The following ASCC2 variants were observed in gnomAD, a reference collection of about 807,000 sequenced individuals.
The protein encoded by ASCC2 is activating signal cointegrator 1 complex subunit 2, also known as ASC-1 complex subunit P100.
In ASCC2, 42 loss-of-function variants were observed where a neutral mutation model predicts 93.5. That is an observed-to-expected ratio of 0.45 (90% CI 0.35 to 0.58). The LOEUF (loss-of-function observed/expected upper bound fraction) is 0.58, where lower values mean the gene tolerates loss of function less well. Among genes scored for constraint, ASCC2 ranks in the 20% least tolerant of loss-of-function variants. The probability of loss-of-function intolerance (pLI) is 0.00; values close to 1 mark genes in which losing one functional copy is unlikely to be tolerated. For missense variants in ASCC2, 859 were observed against 977.6 expected (o/e 0.88, Z 1.62); for synonymous variants, 364 against 384.2 (o/e 0.95, Z 0.62).
At chr22:29,834,087 A>G (rs980817151) in intron 1 of ASCC2, 1 of 168,418 alleles carries the variant, frequency 5.9e-6, no homozygotes, top group African/African-American at 2.4e-5. Flanking sequence ...CAAAAAGTCT[A>G]AGGTTAGTTC....
chr22:29,830,746 C>A (rs182877150), intron 2 of ASCC2, among the ~76,000 whole-genome samples: 1 of 152,354 alleles, frequency 6.6e-6, no homozygotes, highest in African/African-American at 2.4e-5. Flanking sequence ...CATGTCTTTT[C>A]TCTTTATAGC....
chr22:29,806,340 A>G (rs1397021167), intron 11 of ASCC2, 50 bp from the exon 12 acceptor site: 2 of 1,596,906 alleles, frequency 1.3e-6, no homozygotes, highest in Non-Finnish European at 1.7e-6. Context: ...GGCCACAGGA[A>G]TGCTGTGCTG....
At chr22:29,807,023 G>T in intron 9 of ASCC2, 119 bp from the exon 10 acceptor site, 1 of 708,752 alleles carries the variant, frequency 1.4e-6, no homozygotes. Flanking sequence ...AGGATCACTT[G>T]AGCCCCAGGA....
chr22:29,806,738 G>T (rs778073472), intron 10 of ASCC2, 59 bp downstream of exon 10: 1 of 1,504,306 alleles, frequency 6.6e-7, no homozygotes, highest in Non-Finnish European at 9.2e-7. Context: ...TAATGGAAAC[G>T]CTCCTGAAGG....
At chr22:29,818,390 A>G (rs977815036) in intron 5 of ASCC2, among the ~76,000 whole-genome samples, 2 of 82,094 alleles carry the variant, frequency 2.4e-5, no homozygotes, top group African/African-American at 4.3e-5. Context: ...CCTTCTCTGC[A>G]TCACTCCCTG....
intron 8 of ASCC2, among the ~76,000 whole-genome samples, chr22:29,809,624 C>A (rs576292100): frequency 5.3e-5 from 8 of 151,818 alleles, no homozygotes; most frequent in African/African-American, 1.7e-4. Context: ...ACTAAAAATA[C>A]GAAAATTAGC....
intron 13 of ASCC2, among the ~76,000 whole-genome samples, chr22:29,803,252 CAAAAAAAA>C (rs34793933): frequency 6.9e-6 from 1 of 145,382 alleles, no homozygotes; most frequent in African/African-American, 2.5e-5. Context: ...ACTCCATCTC[CAAAAAAAA>C]AACAAAAAAC....
intron 15 of ASCC2, among the ~76,000 whole-genome samples, chr22:29,795,407 G>A (rs1366019724): frequency 6.6e-6 from 1 of 151,958 alleles, no homozygotes. Context: ...ATTGTTATTC[G>A]TTTATTGTTT....
intron 15 of ASCC2, 29 bp from the exon 16 acceptor site, chr22:29,793,705 G>A: frequency 6.5e-7 from 1 of 1,543,002 alleles, no homozygotes; most frequent in Non-Finnish European, 8.7e-7. Context: ...AAGAGAGGAA[G>A]GAAAACCATC....
In ASCC2 at chr22:29,813,412, C is replaced by A. The variant is rs750826736; in HGVS notation, c.833+18G>T. The stretch of plus-strand genomic sequence containing the variant: ...TAAGCCAGTATCTCTATTTCAACAG[C>A]CAGAACTACCGCCTTACCTGTAACA... On this transcript the variant is annotated intron_variant, in intron 8 of 19. Transcript: ENST00000307790. 6.6e-7 allele frequency: 1 copy of A among 1,519,472 alleles called. No homozygotes were observed. The highest frequency in any genetic ancestry group is 1.4e-5 in the African/African-American group (1 of 72,870). 94.1% of individuals were successfully genotyped at this position (1,519,472 alleles called of 1,614,324 possible). A position where few individuals can be genotyped will look rare whatever the true frequency, so the allele number is the denominator to read the frequency against.
At chr22:29,822,188 T>C in intron 5 of ASCC2, 147 bp downstream of exon 5, 1 of 1,005,462 alleles carries the variant, frequency 9.9e-7, no homozygotes, top group Non-Finnish European at 1.5e-6. Context: ...GAGGTGACAC[T>C]CATATATCTG....
chr22:29,827,899 G>GACACACACACACACACACACAC (rs5844872), intron 2 of ASCC2, among the ~76,000 whole-genome samples: 1 of 39,968 alleles, frequency 2.5e-5, no homozygotes, highest in African/African-American at 1.1e-4. Context: ...TCATTCTTCT[G>GACACACACACACACACACACAC]ACACACACAC....
intron 2 of ASCC2, among the ~76,000 whole-genome samples, chr22:29,827,856 GACACACAC>G (rs5844871): frequency 2.3e-5 from 1 of 43,148 alleles, no homozygotes; most frequent in Non-Finnish European, 5.0e-5. Flanking sequence ...TCATTCTCCT[GACACACAC>G]ACACACACAC....
intron 5 of ASCC2, among the ~76,000 whole-genome samples, chr22:29,820,594 T>C (rs1883132894): frequency 3.3e-5 from 5 of 152,076 alleles, no homozygotes; most frequent in Admixed American, 6.5e-5. Context: ...CTATACTTTA[T>C]ATCCTTTCAA....
chr22:29,793,784 G>T, intron 15 of ASCC2, 108 bp from the exon 16 acceptor site: 1 of 1,016,644 alleles, frequency 9.8e-7, no homozygotes. Flanking sequence ...CCCTCAGACT[G>T]TCACGGAGAC....
chr22:29,789,309 C>A, intron 19 of ASCC2, 125 bp from the exon 20 acceptor site: 1 of 1,160,414 alleles, frequency 8.6e-7, no homozygotes, highest in Non-Finnish European at 1.2e-6. Context: ...ACTCATGTCC[C>A]AACTTCAGAT....
At chr22:29,833,522 T>A in intron 1 of ASCC2, 1 of 462,450 alleles carries the variant, frequency 2.2e-6, no homozygotes, top group Non-Finnish European at 4.4e-6. Flanking sequence ...AGCTCCTTTC[T>A]ACAAAGGCAC....
rs34793933 is a variant in ASCC2, at chr22:29,803,252, C to CAAA, written c.1354-1047_1354-1045dup. Among the ~76,000 whole-genome samples, 329 of 145,428 alleles carry CAAA rather than the reference C, an allele frequency of 2.3e-3. 1 individual carries two copies. Among genetic ancestry groups the CAAA allele is most frequent in the African/African-American group, 7.5e-3 (300 of 39,796 alleles). ...GGCAATAAGAGTAAAACTCCATCTC[C>CAAA]AAAAAAAAAACAAAAAACAAACAAA... On this transcript the variant is annotated intron_variant, in intron 13 of 19. Coordinates refer to ENST00000307790, the MANE Select transcript of ASCC2 (RefSeq NM_032204.5).
chr22:29,832,416 T>A, intron 1 of ASCC2, 74 bp from the exon 2 acceptor site: 1 of 1,177,268 alleles, frequency 8.5e-7, no homozygotes, highest in Non-Finnish European at 1.2e-6. Flanking sequence ...CTGGGGCTGA[T>A]CCCAGAGTCA....
Sources: gnomAD v4.1 joint callset for allele counts (sites outside exome capture counted in the v4.1 genomes callset) on GRCh38, gnomAD v4.1.1 for gene constraint, MANE v1.5 for transcripts, NCBI Gene and HGNC (gene_info 2026-07-23, HGNC 2026-07-21) for gene names.